Variants in PPP2R2C observed in about 807,000 individuals in gnomAD.
PPP2R2C encodes the protein protein phosphatase 2, regulatory subunit B, gamma.
In PPP2R2C, 10 loss-of-function variants were observed where a neutral mutation model predicts 45.3. The observed-to-expected ratio is 0.22, with a 90% CI of 0.14 to 0.37. PPP2R2C has a LOEUF of 0.37. Ranked by LOEUF, PPP2R2C falls within the 10% of genes least tolerant of loss-of-function variation. The probability of loss-of-function intolerance (pLI) is 1.00; values close to 1 mark genes in which losing one functional copy is unlikely to be tolerated. For synonymous variants in PPP2R2C, 257 were observed against 245.4 expected (o/e 1.05, Z -0.44); for missense variants, 308 against 619.7 (o/e 0.50, Z 5.34).
intron 1 of PPP2R2C, among the ~76,000 whole-genome samples, chr4:6,468,779 T>A (rs556089704): frequency 1.3e-5 from 2 of 152,084 alleles, no homozygotes; most frequent in South Asian, 4.2e-4. Flanking sequence ...TTCAACTCAC[T>A]CTAAAGCTAA....
intron 1 of PPP2R2C, among the ~76,000 whole-genome samples, chr4:6,561,617 A>G (rs189692954): frequency 6.6e-6 from 1 of 152,192 alleles, no homozygotes; most frequent in Admixed American, 6.5e-5. Context: ...ACACGGAGAG[A>G]GACACAAACA....
In PPP2R2C at chr4:6,432,390, G is replaced by A. The variant is rs188631834; in HGVS notation, c.70+39770C>T. On this transcript the variant is annotated intron_variant, in intron 1 of 8. Coordinates refer to ENST00000382599, the MANE Select transcript of PPP2R2C (RefSeq NM_020416.4). ...TCTCTGAGCCCCAGGGATGAAACAA[G>A]TGTTGTACCCACATCCTCAGTAGGT... Among the ~76,000 whole-genome samples, 80 of 152,324 alleles carry A rather than the reference G, an allele frequency of 5.3e-4. 1 individual carries two copies. Among genetic ancestry groups the A allele is most frequent in the Admixed American group, 2.7e-3 (42 of 15,302 alleles).
At chr4:6,535,843 G>C (rs1560608827) in intron 1 of PPP2R2C, among the ~76,000 whole-genome samples, 1 of 152,168 alleles carries the variant, frequency 6.6e-6, no homozygotes, top group African/African-American at 2.4e-5. Context: ...TTCTGAGCCT[G>C]CGGATGAGAG....
chr4:6,334,762 T>A (rs1732711406), intron 6 of PPP2R2C, among the ~76,000 whole-genome samples: 2 of 152,178 alleles, frequency 1.3e-5, no homozygotes, highest in Non-Finnish European at 2.9e-5. Context: ...GCTGTCCCCA[T>A]GGAAACCGGC....
chr4:6,475,292 G>A (rs910652550), upstream of PPP2R2C, among the ~76,000 whole-genome samples: 2 of 152,202 alleles, frequency 1.3e-5, no homozygotes, highest in African/African-American at 4.8e-5. Flanking sequence ...GGTGAGTGTA[G>A]AGGAAAGCTC....
Position 6,411,515 on chromosome 4 carries a change from C to A in PPP2R2C, c.71-30421G>T, listed in dbSNP as rs536930085. 2.5e-3 allele frequency among the ~76,000 whole-genome samples: 375 copies of A among 151,770 alleles called. 4 individuals are homozygous for A. Among genetic ancestry groups the A allele is most frequent in the African/African-American group, 8.7e-3 (361 of 41,358 alleles). ...TACTCTTGTTGGTGCCTCTTAAGTT[C>A]TCTAATTTGTGTCTGTACTCCACCC... On this transcript the variant is annotated intron_variant, in intron 1 of 8. Coordinates refer to ENST00000382599, the MANE Select transcript of PPP2R2C (RefSeq NM_020416.4).
intron 1 of PPP2R2C, among the ~76,000 whole-genome samples, chr4:6,414,440 C>T (rs1258111604): frequency 6.6e-6 from 1 of 152,108 alleles, no homozygotes; most frequent in Non-Finnish European, 1.5e-5. Context: ...GGAAGTCACG[C>T]AGAAAGCAGG....
In PPP2R2C at chr4:6,329,577, C is replaced by T. The variant is rs1261915417; in HGVS notation, c.961-224G>A. On this transcript the variant is annotated intron_variant, in intron 7 of 8. Coordinates refer to ENST00000382599, the MANE Select transcript of PPP2R2C (RefSeq NM_020416.4). This position sits in a 1 kb window ranked among gnomAD's most constrained non-coding sequence, Gnocchi z 5.8. ...GGCACACGGCTGACCCCGACCGTGA[C>T]ACAGCCCAATACAGCCCTGCTCATC... is the stretch of plus-strand genomic sequence containing the variant. Among the ~76,000 whole-genome samples the T allele has an allele frequency of 7.6e-6, 1 of 132,108 alleles. No homozygotes were observed. The highest frequency in any genetic ancestry group is 4.4e-5 in the African/African-American group (1 of 22,976). 86.7% of individuals were successfully genotyped at this position (132,108 alleles called of 152,430 possible).
chr4:6,401,944 C>G (rs560500917), intron 1 of PPP2R2C, among the ~76,000 whole-genome samples: 11 of 152,244 alleles, frequency 7.2e-5, no homozygotes, highest in Admixed American at 2.0e-4. Flanking sequence ...AGCCAAGAAC[C>G]CAGGCGCAAA....
chr4:6,441,782 C>T (rs574392971), intron 1 of PPP2R2C, among the ~76,000 whole-genome samples: 8 of 152,336 alleles, frequency 5.3e-5, no homozygotes, highest in African/African-American at 1.9e-4. Context: ...ACACATGCAA[C>T]ACGATGGCCC....
intron 1 of PPP2R2C, among the ~76,000 whole-genome samples, chr4:6,548,426 G>A (rs1034617181): frequency 6.6e-6 from 1 of 152,192 alleles, no homozygotes; most frequent in Non-Finnish European, 1.5e-5. Context: ...CACAAGGGCT[G>A]ATGAGGGTGC....
chr4:6,441,854 T>A (rs1295908847), intron 1 of PPP2R2C, among the ~76,000 whole-genome samples: 2 of 152,220 alleles, frequency 1.3e-5, no homozygotes, highest in African/African-American at 4.8e-5. Context: ...TTCATCTGTA[T>A]TACTGGGTAT....
intron 1 of PPP2R2C, among the ~76,000 whole-genome samples, chr4:6,442,088 C>T (rs573528622): frequency 3.9e-4 from 59 of 152,350 alleles, no homozygotes; most frequent in African/African-American, 1.4e-3. Context: ...CCCTGGAATC[C>T]ACCTGCTCTT....
At chr4:6,398,548 G>A (rs1242068273) in intron 1 of PPP2R2C, among the ~76,000 whole-genome samples, 3 of 152,118 alleles carry the variant, frequency 2.0e-5, no homozygotes, top group Admixed American at 6.5e-5. Flanking sequence ...AAATCACAAC[G>A]AGATACCAGT....
chr4:6,520,054 C>T (rs887980104), intron 2 of PPP2R2C, among the ~76,000 whole-genome samples: 7 of 152,118 alleles, frequency 4.6e-5, no homozygotes, highest in African/African-American at 1.4e-4. Flanking sequence ...GTGTTATTCC[C>T]CAGGGAGCCC....
intron 5 of PPP2R2C, among the ~76,000 whole-genome samples, chr4:6,362,233 A>T (rs1713825864): frequency 6.6e-6 from 1 of 152,076 alleles, no homozygotes; most frequent in Admixed American, 6.6e-5. Flanking sequence ...CTCCAGGGTG[A>T]TGGAGTATGA....
intron 6 of PPP2R2C, among the ~76,000 whole-genome samples, chr4:6,346,230 C>G (rs1006850879): frequency 5.9e-5 from 9 of 152,214 alleles, no homozygotes; most frequent in Non-Finnish European, 1.2e-4. Context: ...TCTTCCTCCT[C>G]AAGTCCCAAT....
intron 2 of PPP2R2C, among the ~76,000 whole-genome samples, chr4:6,497,440 G>A (rs555600191): frequency 5.3e-5 from 8 of 152,132 alleles, no homozygotes; most frequent in Non-Finnish European, 1.0e-4. Context: ...CCATTTACTC[G>A]GTGGTGCTGG....
intron 2 of PPP2R2C, among the ~76,000 whole-genome samples, chr4:6,482,511 A>C (rs1388299564): frequency 2.0e-5 from 3 of 152,178 alleles, no homozygotes; most frequent in African/African-American, 7.2e-5. Context: ...TGCTACTGTA[A>C]ATAGGATTTG....
Sources: allele counts gnomAD v4.1 joint callset (sites outside exome capture counted in the v4.1 genomes callset), GRCh38; gene constraint gnomAD v4.1.1; non-coding constraint Gnocchi (gnomAD v3.1); transcripts MANE v1.5; gene names NCBI Gene and HGNC (gene_info 2026-07-23, HGNC 2026-07-21).